Variants in EIF4G3 observed in about 807,000 individuals in gnomAD.
EIF4G3 encodes eIF-4-gamma 3.
A neutral mutation model predicts 186.4 loss-of-function variants in EIF4G3; 34 were observed. That is an observed-to-expected ratio of 0.18 (90% CI 0.14 to 0.24). EIF4G3 has a LOEUF of 0.24. Ranked by LOEUF, EIF4G3 falls within the 10% of genes least tolerant of loss-of-function variation. EIF4G3 has a pLI of 1.00. For missense variants in EIF4G3, 1,536 were observed against 1,948.5 expected, an observed-to-expected ratio of 0.79 and a Z score of 3.99; for synonymous variants, 673 against 679.5, an observed-to-expected ratio of 0.99 and a Z score of 0.15.
At chr1:20,955,023 G>A (rs2154563915) in intron 12 of EIF4G3, among the ~76,000 whole-genome samples, 1 of 152,280 alleles carries the variant, frequency 6.6e-6, no homozygotes, top group South Asian at 2.1e-4. Flanking sequence ...ATTCTAAAAG[G>A]AAGAGTATTC....
intron 34 of EIF4G3, among the ~76,000 whole-genome samples, chr1:20,816,273 G>A (rs1386748109): frequency 2.0e-5 from 1 of 48,872 alleles, no homozygotes; most frequent in African/African-American, 7.4e-5. Context: ...CGGGAGGGAG[G>A]TGGGGAGGTC....
At chr1:20,808,465 A>G (rs2058565227) in intron 36 of EIF4G3, among the ~76,000 whole-genome samples, 1 of 151,754 alleles carries the variant, frequency 6.6e-6, no homozygotes, top group Admixed American at 6.6e-5. Flanking sequence ...GCGGATCACG[A>G]GGTCAGGAGA....
intron 30 of EIF4G3, among the ~76,000 whole-genome samples, chr1:20,832,964 A>G (rs2065737868): frequency 1.5e-5 from 1 of 65,516 alleles, no homozygotes. Context: ...TGTTCCATTG[A>G]TCTATATCTC....
chr1:21,141,291 A>G (rs2097332398), intron 2 of EIF4G3, among the ~76,000 whole-genome samples: 1 of 152,156 alleles, frequency 6.6e-6, no homozygotes, highest in Non-Finnish European at 1.5e-5. Flanking sequence ...AATCTACAAC[A>G]CACTGAATGA....
chr1:21,037,486 T>A (rs1217706842), intron 4 of EIF4G3, among the ~76,000 whole-genome samples: 1 of 152,162 alleles, frequency 6.6e-6, no homozygotes, highest in Non-Finnish European at 1.5e-5. Context: ...CCCACTCTTA[T>A]TCTGGGTGAA....
At chr1:21,147,048 G>A (rs2097455420) in intron 2 of EIF4G3, among the ~76,000 whole-genome samples, 1 of 151,932 alleles carries the variant, frequency 6.6e-6, no homozygotes, top group African/African-American at 2.4e-5. Flanking sequence ...AGATCACGAG[G>A]TCAGGAGTTC....
rs139751299 is a variant in EIF4G3 at position 21,005,373 on chromosome 1, G to A, written c.-66-2565C>T. 4.3e-4 allele frequency among the ~76,000 whole-genome samples: 66 copies of A among 152,190 alleles called. No individual in the cohort carries two copies. The East Asian group carries it at 6.9e-3, about 16-fold the overall frequency. ...GACACTATTCACATTTAATTTGGTGGTATTCTGAAGCAGGAGTTTCTAGCT... is the reference window on the plus strand; with the variant it reads ...GACACTATTCACATTTAATTTGGTGATATTCTGAAGCAGGAGTTTCTAGCT... On this transcript the variant is annotated intron_variant, in intron 4 of 36. Coordinates refer to ENST00000602326, the MANE Select transcript of EIF4G3 (RefSeq NM_001391906.1).
Position 20,860,451 on chromosome 1 carries a change from T to C in EIF4G3, c.3178A>G (p.Lys1060Glu). ...CTTTGCTCTTCTTGTTCTTCTATTT[T>C]AGCCTCTTTGTGAATCTGTTCGATA... The part of the protein sequence containing the change: ...KTIEQIHKEA[K>E]IEEQEEQRKV... Residue 1060 changes from lysine to glutamate, a missense_variant, in exon 24 of 37, where the codon AAA becomes GAA. Around this residue, in one of 11 missense-constraint regions of EIF4G3, gnomAD observed 110 missense variants for 166.2 expected, o/e 0.66. Transcript: ENST00000602326. 3 of 1,614,146 alleles carry C rather than the reference T, an allele frequency of 1.9e-6. No homozygotes were observed. The highest frequency in any genetic ancestry group is 2.5e-6 in the Non-Finnish European group (3 of 1,180,016).
chr1:20,991,730 G>C lies in EIF4G3; in HGVS notation c.177+5871C>G, dbSNP rs1046087504. On this transcript the variant is annotated intron_variant, in intron 7 of 36. Coordinates refer to ENST00000602326, the MANE Select transcript of EIF4G3 (RefSeq NM_001391906.1). ...TCTATTACACAGTGCTACCCTAGAG[G>C]TTTATGTCAGGAACAGGAGGTGTTC... Among the ~76,000 whole-genome samples the C allele has an allele frequency of 2.6e-5, 4 of 152,148 alleles. No homozygotes were observed. In the East Asian group the frequency reaches 7.7e-4, roughly 29 times the overall value.
chr1:20,899,381 T>C (rs1469206934), intron 16 of EIF4G3, among the ~76,000 whole-genome samples: 1 of 152,144 alleles, frequency 6.6e-6, no homozygotes, highest in Non-Finnish European at 1.5e-5. Context: ...TATCTCTATA[T>C]CCCTTTCAAT....
Position 21,075,718 on chromosome 1 carries a change from G to A in EIF4G3, c.-196+13420C>T, listed in dbSNP as rs1357013669. ...TAAAACAGGTTATAAGTCAAAAACT[G>A]TAAAACAGACAGAAAAGGTATACCA... On this transcript the variant is annotated intron_variant, in intron 3 of 36. Coordinates refer to ENST00000602326, the MANE Select transcript of EIF4G3 (RefSeq NM_001391906.1). Among the ~76,000 whole-genome samples the A allele has an allele frequency of 4.0e-5, 6 of 150,540 alleles. No homozygotes were observed. The East Asian group carries it at 6.0e-4, about 15-fold the overall frequency.
chr1:20,854,695 A>G (rs1278435887), intron 26 of EIF4G3, among the ~76,000 whole-genome samples: 2 of 150,648 alleles, frequency 1.3e-5, no homozygotes, highest in African/African-American at 2.5e-5. Context: ...ACAGAGCGGG[A>G]TCCCATCTCA....
rs551478412 is a variant in EIF4G3, at chr1:21,151,382, G to A, written c.-272+24793C>T. 2.4e-4 allele frequency among the ~76,000 whole-genome samples: 36 copies of A among 151,496 alleles called. 1 individual carries two copies. Among genetic ancestry groups the A allele is most frequent in the African/African-American group, 8.0e-4 (33 of 41,372 alleles). On this transcript the variant is annotated intron_variant, in intron 2 of 36. Transcript: ENST00000602326. ...GCCTCCCAAGTAGCTGGGGTTACAG[G>A]CGCCCGCCACCACACCTGGCTAATT...
At position 20,857,550 on chromosome 1, in the gene EIF4G3, T is replaced by C. The variant is rs184594164; in HGVS notation, c.3245-53A>G. 2.8e-3 allele frequency: 3,903 copies of C among 1,404,252 alleles called. 22 individuals carry two copies. Among genetic ancestry groups the C allele is most frequent in the Non-Finnish European group, 2.5e-3 (2,513 of 990,666 alleles). The allele number at this position is 1,404,252 out of a possible 1,614,324, so 87.0% of individuals were successfully genotyped here. ...TCATCTGTCTCAAGTCAGTTTTACATTGAAAGAGTGAGCAATATTTTCATC... is the reference window on the plus strand; with the variant it reads ...TCATCTGTCTCAAGTCAGTTTTACACTGAAAGAGTGAGCAATATTTTCATC... On this transcript the variant is annotated intron_variant, in intron 24 of 36. Coordinates refer to ENST00000602326, the MANE Select transcript of EIF4G3 (RefSeq NM_001391906.1).
chr1:21,139,825 C>T (rs1008700585), intron 2 of EIF4G3, among the ~76,000 whole-genome samples: 6 of 152,138 alleles, frequency 3.9e-5, no homozygotes, highest in Non-Finnish European at 8.8e-5. Flanking sequence ...TTCAGCCTCC[C>T]GAGTAGCTAG....
At chr1:21,169,523 T>C (rs2097917481) in intron 2 of EIF4G3, 1 of 152,210 alleles carries the variant, frequency 6.6e-6, no homozygotes, top group African/African-American at 2.4e-5. Context: ...AGTGATTTTT[T>C]ACTTTTCTAT....
At chr1:21,017,841 G>A (rs1473004605) in intron 4 of EIF4G3, among the ~76,000 whole-genome samples, 1 of 151,972 alleles carries the variant, frequency 6.6e-6, no homozygotes, top group Admixed American at 6.6e-5. Flanking sequence ...CTGGTCCCAA[G>A]CATTCTGGAT....
At chr1:21,133,478 G>A (rs1383458943) in intron 2 of EIF4G3, among the ~76,000 whole-genome samples, 2 of 152,108 alleles carry the variant, frequency 1.3e-5, no homozygotes, top group African/African-American at 2.4e-5. Context: ...GCCCACCCCG[G>A]CCTCCCAAAG....
intron 18 of EIF4G3, chr1:20,893,064 C>G (rs981031986): frequency 1.3e-5 from 3 of 234,356 alleles, no homozygotes; most frequent in East Asian, 1.9e-4. Context: ...TAAGCATGCG[C>G]CAGCATGCCT....
Sources: gnomAD v4.1 joint callset for allele counts (sites outside exome capture counted in the v4.1 genomes callset) on GRCh38, gnomAD v4.1.1 for gene constraint, gnomAD v4.1.1 regional missense constraint, MANE v1.5 for transcripts, NCBI Gene and HGNC (gene_info 2026-07-23, HGNC 2026-07-21) for gene names.